The following ERICH6B variants were observed in gnomAD, a reference collection of about 807,000 sequenced individuals.
ERICH6B encodes glutamate rich 6B.
ERICH6B carries 69 observed loss-of-function variants against 80.0 expected under a neutral mutation model. The observed-to-expected ratio is 0.86, with a 90% CI of 0.71 to 1.05. The LOEUF (loss-of-function observed/expected upper bound fraction) is 1.05, where lower values mean the gene tolerates loss of function less well. Ranked by LOEUF, ERICH6B falls within the 50% of genes least tolerant of loss-of-function variation. ERICH6B has a pLI of 0.00. For synonymous variants in ERICH6B, 283 were observed against 291.9 expected (o/e 0.97, Z 0.31); for missense variants, 754 against 796.1 (o/e 0.95, Z 0.64).
chr13:45,611,324 G>A lies in ERICH6B; in HGVS notation c.-110-3709C>T, dbSNP rs565283522. Among the ~76,000 whole-genome samples the A allele has an allele frequency of 2.0e-5, 3 of 152,308 alleles. No homozygotes were observed. The South Asian group carries it at 6.2e-4, about 32-fold the overall frequency. On this transcript the variant is annotated intron_variant, in intron 1 of 14. Transcript: ENST00000298738. ...GACATCTCTGGCAAACAGCAGTGGG[G>A]ATTAAACAGAGCTTTCTTTAATAAG...
At position 45,596,929 on chromosome 13, in the gene ERICH6B, T is replaced by A; in HGVS notation, c.77A>T (p.Asn26Ile). Residue 26 changes from asparagine to isoleucine, a missense_variant, in exon 3 of 15, where the codon AAC becomes ATC. Coordinates refer to ENST00000298738, the MANE Select transcript of ERICH6B (RefSeq NM_182542.3). ...AGTATCCTCTTTCTCTGAAGGCAAG[T>A]TCTGTGTGGAATATTGGGGAGTTGT... is the stretch of plus-strand genomic sequence containing the variant. ...PPTTPQYSTQ[N>I]LPSEKEDTEV... is the part of the protein sequence containing the mutation. 1 of 1,551,800 alleles carries A rather than the reference T, an allele frequency of 6.4e-7. No homozygotes were observed. Among genetic ancestry groups the A allele is most frequent in the Non-Finnish European group, 8.7e-7 (1 of 1,147,012 alleles).
At position 45,596,780 on chromosome 13, in the gene ERICH6B, T is replaced by A. The variant is rs1876408491; in HGVS notation, c.226A>T (p.Lys76Ter). Residue 76 changes from lysine (K) to a stop codon, truncating the protein, a stop_gained, in exon 3 of 15, where the codon AAA (lysine) becomes TAA (stop). Coordinates refer to ENST00000298738, the MANE Select transcript of ERICH6B (RefSeq NM_182542.3). LOFTEE classifies it high-confidence loss of function. Reference protein sequence around the residue: ...EDLEEEEYLGKEEYLKEEEYL... With the variant: ...EDLEEEEYLG ...TCTTCCTCCTTCAAGTATTCTTCTT[T>A]CCCCAGATACTCTTCCTCTTCCAGA... The A allele has an allele frequency of 1.9e-6, 3 of 1,551,570 alleles. No individual in the cohort carries two copies. The highest frequency in any genetic ancestry group is 3.3e-4 in the Middle Eastern group (2 of 5,992).
chr13:45,607,645 T>C (rs1949876157), intron 1 of ERICH6B, 30 bp from the exon 2 acceptor site: 1 of 152,328 alleles, frequency 6.6e-6, no homozygotes, highest in African/African-American at 2.4e-5. Flanking sequence ...TGGTTAGTTA[T>C]CCAGGAAGTT....
chr13:45,546,905 T>C (rs756775128), intron 13 of ERICH6B, among the ~76,000 whole-genome samples: 72 of 152,338 alleles, frequency 4.7e-4, no homozygotes, highest in African/African-American at 1.7e-3. Flanking sequence ...CCACTTTCCA[T>C]TGAACAAAGA....
At position 45,553,524 on chromosome 13, in the gene ERICH6B, A is replaced by G. The variant is rs73185780; in HGVS notation, c.1408-3208T>C. On this transcript the variant is annotated intron_variant, in intron 11 of 14. Transcript: ENST00000298738. The stretch of plus-strand genomic sequence containing the variant: ...CAGGTAGAAAGCACTCCTCAAGGTG[A>G]CAATGATCATATAACCAACATACAG... Among the ~76,000 whole-genome samples the G allele has an allele frequency of 5.5e-3, 839 of 152,322 alleles. 2 individuals carry two copies. Among genetic ancestry groups the G allele is most frequent in the Non-Finnish European group, 8.7e-3 (590 of 68,030 alleles).
Position 45,563,727 on chromosome 13 carries a change from C to T in ERICH6B, c.1249G>A (p.Ala417Thr). 6.4e-7 allele frequency: 1 copy of T among 1,552,260 alleles called. No individual in the cohort carries two copies. The highest frequency in any genetic ancestry group is 2.0e-5 in the Admixed American group (1 of 51,014). Residue 417 changes from alanine to threonine, a missense_variant and splice_region_variant, in exon 10 of 15, where the codon GCT (alanine) becomes ACT (threonine). Physicochemically the swap from Ala to Thr is moderately conservative, Grantham distance 58. Coordinates refer to ENST00000298738, the MANE Select transcript of ERICH6B (RefSeq NM_182542.3). ...TILRIKRRRE[A>T]QKLTEMTSFT... is the part of the protein sequence containing the mutation. ...TGGAAAATGGTGGAGTGGTGCCTACCTTCACGTCTCCTCTTAATCCGTAAG... is the reference window on the plus strand; with the variant it reads ...TGGAAAATGGTGGAGTGGTGCCTACTTTCACGTCTCCTCTTAATCCGTAAG...
chr13:45,563,855 G>A (rs1233777343), intron 9 of ERICH6B, 67 bp from the exon 10 acceptor site: 26 of 1,313,792 alleles, frequency 2.0e-5, no homozygotes, highest in Non-Finnish European at 2.6e-5. Flanking sequence ...ATCACACACA[G>A]TGCAGACAGT....
At chr13:45,588,711 T>C (rs924003907) in intron 4 of ERICH6B, among the ~76,000 whole-genome samples, 1 of 152,228 alleles carries the variant, frequency 6.6e-6, no homozygotes, top group Non-Finnish European at 1.5e-5. Flanking sequence ...TCATGTACTT[T>C]TCCCCCCAGA....
Position 45,542,946 on chromosome 13 carries a change from C to T in ERICH6B, c.1873-1266G>A, listed in dbSNP as rs189961947. On this transcript the variant is annotated intron_variant, in intron 14 of 14. Transcript: ENST00000298738. Reference sequence around the variant, plus strand: ...TGGCCACCCTAAACCTAGCACACTCCCTCCTCTCTTCTCAGATACTCTGCA... The same window carrying T: ...TGGCCACCCTAAACCTAGCACACTCTCTCCTCTCTTCTCAGATACTCTGCA... 3.3e-5 allele frequency among the ~76,000 whole-genome samples: 5 copies of T among 152,306 alleles called. 1 individual carries two copies. Among genetic ancestry groups the T allele is most frequent in the Admixed American group, 3.3e-4 (5 of 15,306 alleles).
chr13:45,550,079 T>C (rs1453120759), intron 12 of ERICH6B, 34 bp from the exon 13 acceptor site: 73 of 1,549,392 alleles, frequency 4.7e-5, no homozygotes, highest in Non-Finnish European at 5.9e-5. Context: ...TAGTCAGTCC[T>C]TGGGGTCCCC....
At chr13:45,586,130 C>T (rs778238938) in intron 5 of ERICH6B, among the ~76,000 whole-genome samples, 10 of 152,182 alleles carry the variant, frequency 6.6e-5, no homozygotes, top group East Asian at 3.9e-4. Context: ...GGAGCACACA[C>T]GCTGAAAAAG....
In ERICH6B at chr13:45,574,865, C is replaced by T. The variant is rs770169002; in HGVS notation, c.1027G>A (p.Glu343Lys). Reference protein sequence around the residue: ...GITDESIDKLEVEDLDENFLN... With the variant: ...GITDESIDKLKVEDLDENFLN... ...ACGTTTTCATCTAAATCTTCCACTTCCAGCTTGTCAATGGACTCATCTGTT... is the reference window on the plus strand; with the variant it reads ...ACGTTTTCATCTAAATCTTCCACTTTCAGCTTGTCAATGGACTCATCTGTT... Residue 343 changes from glutamate to lysine, a missense_variant, in exon 8 of 15, where the codon GAA becomes AAA. Coordinates refer to ENST00000298738, the MANE Select transcript of ERICH6B (RefSeq NM_182542.3). 3.2e-6 allele frequency: 5 copies of T among 1,551,096 alleles called. 1 individual carries two copies. Among genetic ancestry groups the T allele is most frequent in the Non-Finnish European group, 4.4e-6 (5 of 1,146,702 alleles).
chr13:45,606,499 GTATGTGTA>G lies in ERICH6B; in HGVS notation c.-59+1057_-59+1064del, dbSNP rs1166686765. ...TCTTCTTGGCTGAGATCCCAAAAGT[GTATGTGTA>G]TATATATATATATATATATATATAT... is the stretch of plus-strand genomic sequence containing the variant. On this transcript the variant is annotated intron_variant, in intron 2 of 14. Transcript: ENST00000298738. Among the ~76,000 whole-genome samples, 402 of 40,684 alleles carry G rather than the reference GTATGTGTA, an allele frequency of 9.9e-3. 26 individuals are homozygous for G. Among genetic ancestry groups the G allele is most frequent in the East Asian group, 0.02 (21 of 1,040 alleles). 26.7% of individuals were successfully genotyped at this position (40,684 alleles called of 152,430 possible). A position where few individuals can be genotyped will look rare whatever the true frequency, so the allele number is the denominator to read the frequency against.
chr13:45,564,331 G>A (rs1428949700), intron 9 of ERICH6B, among the ~76,000 whole-genome samples: 1 of 152,198 alleles, frequency 6.6e-6, no homozygotes, highest in Non-Finnish European at 1.5e-5. Context: ...TCATCCTGGC[G>A]TTTCAGTGGT....
chr13:45,596,034 A>G (rs1231508204), intron 3 of ERICH6B, among the ~76,000 whole-genome samples: 2 of 152,264 alleles, frequency 1.3e-5, no homozygotes, highest in East Asian at 3.8e-4. Flanking sequence ...AATTATTATT[A>G]TAAGCAGGTG....
Position 45,550,305 on chromosome 13 carries a change from A to G in ERICH6B, c.1419T>C (p.Gly473=). Reference sequence around the variant, plus strand: ...TGGGGTAGAGAATTAATTTTCCATCACCTTGATGCACCTGGGAAGAAAAGA... The same window carrying G: ...TGGGGTAGAGAATTAATTTTCCATCGCCTTGATGCACCTGGGAAGAAAAGA... The part of the protein sequence containing the change: ...WIQKKTVVHQ[G]DGKLILYPNK... Residue 473 remains glycine (G), a synonymous_variant, in exon 12 of 15, where the codon GGT becomes GGC. Transcript: ENST00000298738. The G allele has an allele frequency of 6.4e-7, 1 of 1,551,338 alleles. No homozygotes were observed. The highest frequency in any genetic ancestry group is 1.7e-4 in the Middle Eastern group (1 of 5,990).
At chr13:45,589,970 T>C (rs930930985) in intron 4 of ERICH6B, among the ~76,000 whole-genome samples, 7 of 152,164 alleles carry the variant, frequency 4.6e-5, no homozygotes, top group Non-Finnish European at 2.9e-5. Context: ...TTGTAACTTA[T>C]GGGTCCCCTA....
intron 6 of ERICH6B, 100 bp from the exon 7 acceptor site, chr13:45,580,074 A>G: frequency 9.8e-7 from 1 of 1,022,898 alleles, no homozygotes; most frequent in South Asian, 1.5e-5. Context: ...CATCTCCTAG[A>G]TATCTGGGAA....
chr13:45,605,037 G>A (rs1026813566), intron 2 of ERICH6B, among the ~76,000 whole-genome samples: 4 of 152,096 alleles, frequency 2.6e-5, no homozygotes, highest in South Asian at 2.1e-4. Context: ...TCTTCCCAGC[G>A]TGCTCCCTGA....
Sources: gnomAD v4.1 joint callset for allele counts (sites outside exome capture counted in the v4.1 genomes callset) on GRCh38, gnomAD v4.1.1 for gene constraint, MANE v1.5 for transcripts, NCBI Gene and HGNC (gene_info 2026-07-23, HGNC 2026-07-21) for gene names.